Variants in DGKB observed in about 807,000 individuals in gnomAD.
The protein encoded by DGKB is 90 kDa diacylglycerol kinase.
Under a neutral mutation model 114.3 loss-of-function variants are expected in DGKB, and 67 were observed. The observed-to-expected ratio is 0.59, with a 90% CI of 0.48 to 0.72. The LOEUF is 0.72. DGKB is among the 30% of genes least tolerant of loss of function. DGKB has a pLI of 0.00. For missense variants in DGKB, 907 were observed against 975.2 expected (o/e 0.93, Z 0.93); for synonymous variants, 398 against 323.1 (o/e 1.23, Z -2.49).
At chr7:14,755,028 C>T (rs796173582) in intron 3 of DGKB, among the ~76,000 whole-genome samples, 10 of 152,258 alleles carry the variant, frequency 6.6e-5, no homozygotes, top group African/African-American at 2.4e-4. Flanking sequence ...TTGGACAAAT[C>T]ATTTCACTTT....
At chr7:14,812,389 G>T (rs1273411064) in intron 2 of DGKB, among the ~76,000 whole-genome samples, 1 of 151,846 alleles carries the variant, frequency 6.6e-6, no homozygotes, top group African/African-American at 2.4e-5. Flanking sequence ...ATAAAATAAA[G>T]CCATTTTGTG....
upstream of DGKB, among the ~76,000 whole-genome samples, chr7:14,907,273 C>T (rs1307422340): frequency 1.3e-5 from 2 of 152,178 alleles, no homozygotes; most frequent in African/African-American, 2.4e-5. Flanking sequence ...AATAGATCAC[C>T]ATCACTAATT....
chr7:14,198,138 T>A (rs944952353), intron 23 of DGKB, among the ~76,000 whole-genome samples: 1 of 152,058 alleles, frequency 6.6e-6, no homozygotes, highest in African/African-American at 2.4e-5. Context: ...GAGTCCTAAT[T>A]TGAGTTGTAA....
intron 12 of DGKB, among the ~76,000 whole-genome samples, chr7:14,679,759 T>A (rs1820513622): frequency 6.6e-6 from 1 of 151,996 alleles, no homozygotes; most frequent in African/African-American, 2.4e-5. Flanking sequence ...TAGTAGATAC[T>A]CATCAGTCAA....
intron 1 of DGKB, among the ~76,000 whole-genome samples, chr7:14,865,064 T>A (rs1851512224): frequency 7.3e-6 from 1 of 136,698 alleles, no homozygotes; most frequent in Admixed American, 7.9e-5. Context: ...ATTCCAGAGT[T>A]AAAATTGTAA....
chr7:14,557,767 T>G (rs948552691), intron 20 of DGKB, among the ~76,000 whole-genome samples: 1 of 151,950 alleles, frequency 6.6e-6, no homozygotes, highest in Non-Finnish European at 1.5e-5. Flanking sequence ...CTTAAATTTC[T>G]TAATTTTTTG....
At chr7:14,932,071 T>G (rs1367090223) in intron 1 of DGKB, among the ~76,000 whole-genome samples, 1 of 152,168 alleles carries the variant, frequency 6.6e-6, no homozygotes, top group Non-Finnish European at 1.5e-5. Context: ...CTGCCTAGAT[T>G]GGAGAAGTTT....
chr7:14,765,310 C>T (rs1198322598), intron 2 of DGKB, among the ~76,000 whole-genome samples: 2 of 151,890 alleles, frequency 1.3e-5, no homozygotes, highest in Admixed American at 6.6e-5. Flanking sequence ...TTGGGATCAT[C>T]GTTAGCTTAA....
At chr7:14,396,886 TCTTA>T (rs1377388490) in intron 21 of DGKB, among the ~76,000 whole-genome samples, 1 of 152,174 alleles carries the variant, frequency 6.6e-6, no homozygotes, top group Non-Finnish European at 1.5e-5. Flanking sequence ...AGTCTCTGTA[TCTTA>T]CTAATTCAGA....
At chr7:14,365,200 T>C (rs1269153563) in intron 21 of DGKB, among the ~76,000 whole-genome samples, 1 of 152,042 alleles carries the variant, frequency 6.6e-6, no homozygotes, top group African/African-American at 2.4e-5. Context: ...AATTTATTAA[T>C]TGTGGAATCC....
chr7:14,882,711 T>G (rs1344276304), intron 1 of DGKB, among the ~76,000 whole-genome samples: 1 of 152,034 alleles, frequency 6.6e-6, no homozygotes, highest in Non-Finnish European at 1.5e-5. Context: ...CATGTCTGGC[T>G]TGTTTTGCTC....
chr7:14,425,267 A>G (rs1827328191), intron 21 of DGKB, among the ~76,000 whole-genome samples: 1 of 152,148 alleles, frequency 6.6e-6, no homozygotes, highest in Non-Finnish European at 1.5e-5. Flanking sequence ...AAATATATGT[A>G]TCCATAATAT....
chr7:14,323,952 C>A (rs998019684), intron 23 of DGKB, among the ~76,000 whole-genome samples: 1 of 152,116 alleles, frequency 6.6e-6, no homozygotes, highest in Non-Finnish European at 1.5e-5. Flanking sequence ...AGTTCAAGAA[C>A]TGAATTCCAT....
chr7:14,467,238 T>G (rs1780616479), intron 21 of DGKB, among the ~76,000 whole-genome samples: 1 of 149,540 alleles, frequency 6.7e-6, no homozygotes, highest in African/African-American at 2.4e-5. Context: ...TTTATATAAC[T>G]ATTAACTATA....
At chr7:14,154,326 G>C (rs722254) in intron 25 of DGKB, among the ~76,000 whole-genome samples, 135,906 of 151,800 alleles carry the variant, frequency 0.9, 61,065 homozygotes, top group East Asian at 1. Context: ...TTTATAGTCT[G>C]AATGATTATA....
intron 22 of DGKB, among the ~76,000 whole-genome samples, chr7:14,340,793 A>G (rs189307526): frequency 6.6e-6 from 1 of 151,858 alleles, no homozygotes; most frequent in African/African-American, 2.4e-5. Flanking sequence ...TTTAAATAAC[A>G]GAAGAATCAT....
At chr7:14,477,660 T>G (rs576538495) in intron 21 of DGKB, among the ~76,000 whole-genome samples, 2 of 152,310 alleles carry the variant, frequency 1.3e-5, no homozygotes, top group African/African-American at 4.8e-5. Flanking sequence ...GTTCGTCAAG[T>G]CTTTTCTCCT....
chr7:14,201,370 G>A (rs568167149), intron 23 of DGKB, among the ~76,000 whole-genome samples: 1 of 152,124 alleles, frequency 6.6e-6, no homozygotes, highest in African/African-American at 2.4e-5. Flanking sequence ...GACCATTGCA[G>A]ATGGATTCAA....
At chr7:14,172,114 G>A (rs1484973001) in intron 25 of DGKB, among the ~76,000 whole-genome samples, 2 of 152,174 alleles carry the variant, frequency 1.3e-5, no homozygotes, top group African/African-American at 2.4e-5. Flanking sequence ...CTCAAAAGAT[G>A]TGTTGTGTTA....
Sources: allele counts gnomAD v4.1 joint callset (sites outside exome capture counted in the v4.1 genomes callset), GRCh38; gene constraint gnomAD v4.1.1; transcripts MANE v1.5; gene names NCBI Gene and HGNC (gene_info 2026-07-23, HGNC 2026-07-21).